Variants in RABL3 observed in about 807,000 individuals in gnomAD.
The protein encoded by RABL3 is RAB, member of RAS oncogene family like 3.
A neutral mutation model predicts 31.8 loss-of-function variants in RABL3; 31 were observed. The ratio of observed to expected loss-of-function variants is 0.97; its 90% CI spans 0.73 to 1.31. RABL3 has a LOEUF of 1.31. RABL3 is among the 40% of genes most tolerant of loss of function. The probability of loss-of-function intolerance (pLI) is 0.00; values close to 1 mark genes in which losing one functional copy is unlikely to be tolerated. For synonymous variants in RABL3, 97 were observed against 99.9 expected, an observed-to-expected ratio of 0.97 and a Z score of 0.18; for missense variants, 263 against 279.6, an observed-to-expected ratio of 0.94 and a Z score of 0.42.
intron 3 of RABL3, among the ~76,000 whole-genome samples, chr3:120,708,005 T>G (rs573940421): frequency 6.6e-6 from 1 of 152,186 alleles, no homozygotes; most frequent in Admixed American, 6.5e-5. Flanking sequence ...TAGCCTAGGC[T>G]ATTAGAGAGG....
intron 6 of RABL3, among the ~76,000 whole-genome samples, chr3:120,693,496 C>T (rs753924125): frequency 6.6e-6 from 1 of 152,182 alleles, no homozygotes; most frequent in Non-Finnish European, 1.5e-5. Context: ...TTTTACCTTA[C>T]TATGCAATGT....
rs757882039 is a variant in RABL3 at position 120,715,530 on chromosome 3, C to G, written c.139-5621G>C. Among the ~76,000 whole-genome samples the G allele has an allele frequency of 9.2e-5, 14 of 151,936 alleles. No individual in the cohort carries two copies. In the South Asian group the frequency reaches 2.7e-3, roughly 29 times the overall value. On this transcript the variant is annotated intron_variant, in intron 2 of 7. Coordinates refer to ENST00000273375, the MANE Select transcript of RABL3 (RefSeq NM_173825.5). Reference sequence around the variant, plus strand: ...CCAGCTTGGGCAACAGAATGAGACTCTTTTTCAAAATAATAATAATAATAA... The same window carrying G: ...CCAGCTTGGGCAACAGAATGAGACTGTTTTTCAAAATAATAATAATAATAA...
At chr3:120,693,083 G>A (rs573767720) in intron 6 of RABL3, among the ~76,000 whole-genome samples, 9 of 152,104 alleles carry the variant, frequency 5.9e-5, no homozygotes, top group East Asian at 1.9e-4. Flanking sequence ...AAATGGAAGC[G>A]GTTGCCAATC....
intron 2 of RABL3, among the ~76,000 whole-genome samples, chr3:120,712,271 G>A (rs1192649128): frequency 6.6e-6 from 1 of 152,124 alleles, no homozygotes; most frequent in Non-Finnish European, 1.5e-5. Flanking sequence ...GAATAGCACA[G>A]TTGCAGCAGT....
intron 2 of RABL3, among the ~76,000 whole-genome samples, chr3:120,726,453 C>G (rs1400860093): frequency 6.6e-6 from 1 of 152,010 alleles, no homozygotes; most frequent in Non-Finnish European, 1.5e-5. Context: ...CGGTGCAACC[C>G]CATCTGTATA....
At chr3:120,700,764 T>G (rs1172404316) in intron 4 of RABL3, among the ~76,000 whole-genome samples, 1 of 152,082 alleles carries the variant, frequency 6.6e-6, no homozygotes, top group Admixed American at 6.6e-5. Flanking sequence ...AGATAGAAAG[T>G]GGGTAGAGAT....
intron 2 of RABL3, among the ~76,000 whole-genome samples, chr3:120,720,537 T>C (rs1708726292): frequency 6.6e-6 from 1 of 152,178 alleles, no homozygotes; most frequent in Non-Finnish European, 1.5e-5. Context: ...ACGTGACGAA[T>C]GCACAAGCCT....
chr3:120,727,603 T>C (rs78482969), intron 2 of RABL3, among the ~76,000 whole-genome samples: 2,769 of 152,200 alleles, frequency 0.018, 89 homozygotes, highest in African/African-American at 0.064. Context: ...TTTTATAAGG[T>C]TAGCATAAGC....
At chr3:120,727,046 A>C (rs1708830119) in intron 2 of RABL3, among the ~76,000 whole-genome samples, 2 of 152,140 alleles carry the variant, frequency 1.3e-5, no homozygotes, top group South Asian at 4.1e-4. Context: ...CTTAGATAGA[A>C]ATTTTAGAGT....
chr3:120,729,301 C>T (rs114647096), intron 2 of RABL3, among the ~76,000 whole-genome samples: 7 of 152,212 alleles, frequency 4.6e-5, no homozygotes, highest in African/African-American at 9.6e-5. Context: ...GAAATCCTTA[C>T]GGTCTTGGCA....
At chr3:120,733,703 T>A (rs920675907) in intron 1 of RABL3, among the ~76,000 whole-genome samples, 3 of 152,210 alleles carry the variant, frequency 2.0e-5, no homozygotes, top group African/African-American at 7.2e-5. Flanking sequence ...AACGTTTAAG[T>A]CTTTAATCCA....
rs1392998644 is a variant in RABL3, at chr3:120,695,995, G to A, written c.535-1771C>T. Among the ~76,000 whole-genome samples the A allele has an allele frequency of 3.9e-5, 6 of 152,174 alleles. 1 individual carries two copies. The South Asian group carries it at 1.2e-3, about 31-fold the overall frequency. Reference sequence around the variant, plus strand: ...TTTATCATGGCTGAGGGAAAAGCCTGAAAATTAATAGCTCCAAATAGCTTG... The same window carrying A: ...TTTATCATGGCTGAGGGAAAAGCCTAAAAATTAATAGCTCCAAATAGCTTG... On this transcript the variant is annotated intron_variant, in intron 5 of 7. Coordinates refer to ENST00000273375, the MANE Select transcript of RABL3 (RefSeq NM_173825.5).
chr3:120,719,392 A>T (rs1300959901), intron 2 of RABL3, among the ~76,000 whole-genome samples: 1 of 152,192 alleles, frequency 6.6e-6, no homozygotes, highest in Non-Finnish European at 1.5e-5. Context: ...GAGTCGAAGC[A>T]AGGCGAGGCA....
intron 1 of RABL3, among the ~76,000 whole-genome samples, chr3:120,736,241 A>G (rs966646166): frequency 4.6e-5 from 7 of 152,182 alleles, no homozygotes; most frequent in Non-Finnish European, 1.0e-4. Flanking sequence ...TATTGGGTGC[A>G]TATATGTTTA....
At chr3:120,722,719 G>T (rs1708762170) in intron 2 of RABL3, 1 of 152,120 alleles carries the variant, frequency 6.6e-6, no homozygotes, top group South Asian at 2.1e-4. Flanking sequence ...CGAAATGAAG[G>T]CAGAAATAAA....
chr3:120,726,692 C>G (rs1206564497), intron 2 of RABL3, among the ~76,000 whole-genome samples: 1 of 151,854 alleles, frequency 6.6e-6, no homozygotes, highest in Non-Finnish European at 1.5e-5. Flanking sequence ...TGCAGTGAGC[C>G]AAGATCGTGC....
At position 120,696,592 on chromosome 3, in the gene RABL3, AACACACACACAC is replaced by A. The variant is rs3037698; in HGVS notation, c.534+1819_534+1830del. ...TTGGCTTTGTAAGGCAAGTAGGAATAACACACACACACACACACACACACACACACACACACA... is the reference window on the plus strand; with the variant it reads ...TTGGCTTTGTAAGGCAAGTAGGAATAACACACACACACACACACACACACA... On this transcript the variant is annotated intron_variant, in intron 5 of 7. Coordinates refer to ENST00000273375, the MANE Select transcript of RABL3 (RefSeq NM_173825.5). 8.2e-4 allele frequency among the ~76,000 whole-genome samples: 121 copies of A among 147,562 alleles called. 1 individual carries two copies. The highest frequency in any genetic ancestry group is 2.9e-3 in the African/African-American group (116 of 39,726).
intron 2 of RABL3, among the ~76,000 whole-genome samples, chr3:120,727,618 T>C (rs910833340): frequency 2.6e-5 from 4 of 152,096 alleles, no homozygotes; most frequent in South Asian, 2.1e-4. Context: ...ATAAGCCTGA[T>C]AGAAAACCCA....
chr3:120,718,330 C>T (rs1708694194), intron 2 of RABL3, among the ~76,000 whole-genome samples: 1 of 152,176 alleles, frequency 6.6e-6, no homozygotes, highest in Non-Finnish European at 1.5e-5. Flanking sequence ...ACTTCTAGTG[C>T]ATTACTCCTC....
Sources: allele counts gnomAD v4.1 joint callset (sites outside exome capture counted in the v4.1 genomes callset), GRCh38; gene constraint gnomAD v4.1.1; transcripts MANE v1.5; gene names NCBI Gene and HGNC (gene_info 2026-07-23, HGNC 2026-07-21).